HMGXB4: variants seen among roughly 807,000 people sequenced by gnomAD.
HMGXB4 encodes the protein HMG domain-containing protein 4.
A neutral mutation model predicts 63.9 loss-of-function variants in HMGXB4; 27 were observed. The ratio of observed to expected loss-of-function variants is 0.42; its 90% CI spans 0.31 to 0.58. The LOEUF (loss-of-function observed/expected upper bound fraction) is 0.58. Among genes scored for constraint, HMGXB4 ranks in the 20% least tolerant of loss-of-function variants. The pLI, the probability that HMGXB4 is intolerant of heterozygous loss-of-function variation, is 0.13. For missense variants in HMGXB4, 624 were observed against 700.7 expected (o/e 0.89, Z 1.24); for synonymous variants, 264 against 265.3 (o/e 0.99, Z 0.05).
rs1407099947 is a variant in HMGXB4 at position 35,294,725 on chromosome 22, T to A, written c.*1074T>A. The stretch of plus-strand genomic sequence containing the variant: ...ATCCTGTAAATTTCTGTATATATAA[T>A]TTAATAACAGAAGCCTCCACCAGCA... On this transcript the variant is annotated 3_prime_UTR_variant, in exon 11 of 11. Coordinates refer to ENST00000216106, the MANE Select transcript of HMGXB4 (RefSeq NM_001003681.3). 1 of 152,188 alleles carries A rather than the reference T, an allele frequency of 6.6e-6. No individual in the cohort carries two copies. Among genetic ancestry groups the A allele is most frequent in the South Asian group, 2.1e-4 (1 of 4,830 alleles). 9.4% of individuals were successfully genotyped at this position (152,188 alleles called of 1,614,324 possible).
chr22:35,263,994 T>TA (rs756263200), intron 4 of HMGXB4, 120 bp downstream of exon 4: 1 of 1,565,022 alleles, frequency 6.4e-7, no homozygotes, highest in South Asian at 1.2e-5. Context: ...CAGTGGTTCT[T>TA]GTTCTGAGTG....
Position 35,293,856 on chromosome 22 carries a change from G to T in HMGXB4, c.*205G>T, listed in dbSNP as rs556186533. The T allele has an allele frequency of 2.2e-4, 71 of 322,674 alleles. No individual in the cohort carries two copies. The South Asian group carries it at 8.2e-3, about 37-fold the overall frequency. The allele number at this position is 322,674 out of a possible 1,614,324, so 20.0% of individuals were successfully genotyped here. A position where few individuals can be genotyped will look rare whatever the true frequency, so the allele number is the denominator to read the frequency against. On this transcript the variant is annotated 3_prime_UTR_variant, in exon 11 of 11. Coordinates refer to ENST00000216106, the MANE Select transcript of HMGXB4 (RefSeq NM_001003681.3). ...TTAATAATTTTATGAAATGGCAAAG[G>T]TTTAGCCAAGAGGAAATTTTGGCAT... is the stretch of plus-strand genomic sequence containing the variant.
chr22:35,279,349 T>C (rs1924107624), intron 5 of HMGXB4, among the ~76,000 whole-genome samples: 1 of 151,922 alleles, frequency 6.6e-6, no homozygotes, highest in Non-Finnish European at 1.5e-5. Context: ...GGTTTCTCCA[T>C]GTTGGTCTCG....
intron 5 of HMGXB4, among the ~76,000 whole-genome samples, chr22:35,271,463 G>A (rs911929429): frequency 1.3e-5 from 2 of 152,160 alleles, no homozygotes; most frequent in African/African-American, 2.4e-5. Flanking sequence ...AATTGAGATC[G>A]GGAGATTCAA....
intron 5 of HMGXB4, among the ~76,000 whole-genome samples, chr22:35,268,715 G>A (rs918812751): frequency 9.9e-5 from 15 of 152,130 alleles, no homozygotes; most frequent in Non-Finnish European, 2.2e-4. Context: ...TGAAACCTTA[G>A]CCAAACATTC....
intron 7 of HMGXB4, 54 bp from the exon 8 acceptor site, chr22:35,287,293 C>T (rs577155365): frequency 1.4e-4 from 195 of 1,388,204 alleles, no homozygotes; most frequent in Non-Finnish European, 1.2e-4. Flanking sequence ...ACTGCTTTTC[C>T]TTTTACATTT....
chr22:35,288,576 A>G (rs1250991166), intron 9 of HMGXB4, among the ~76,000 whole-genome samples, 169 bp downstream of exon 9: 1 of 152,268 alleles, frequency 6.6e-6, no homozygotes, highest in Non-Finnish European at 1.5e-5. Flanking sequence ...TAACAGAAAT[A>G]TCTATAGAGA....
At chr22:35,289,969 A>G (rs1333307813) in intron 9 of HMGXB4, among the ~76,000 whole-genome samples, 3 of 152,262 alleles carry the variant, frequency 2.0e-5, no homozygotes, top group Admixed American at 1.3e-4. Context: ...AAATTGAATT[A>G]TTCAACAAAT....
intron 5 of HMGXB4, among the ~76,000 whole-genome samples, chr22:35,272,884 A>G (rs1328245134): frequency 6.6e-6 from 1 of 152,264 alleles, no homozygotes; most frequent in African/African-American, 2.4e-5. Flanking sequence ...CAGTGAGCCA[A>G]GATCACGCCA....
chr22:35,271,415 G>A (rs925013967), intron 5 of HMGXB4, among the ~76,000 whole-genome samples: 1 of 152,178 alleles, frequency 6.6e-6, no homozygotes, highest in Non-Finnish European at 1.5e-5. Flanking sequence ...AATAGAGAAG[G>A]TGAGAAGAAT....
chr22:35,287,296 T>C (rs750745567), intron 7 of HMGXB4, 51 bp from the exon 8 acceptor site: 15 of 1,407,430 alleles, frequency 1.1e-5, no homozygotes, highest in African/African-American at 1.4e-5. Flanking sequence ...GCTTTTCCTT[T>C]TACATTTTGT....
chr22:35,275,620 T>G (rs1194074526), intron 5 of HMGXB4, among the ~76,000 whole-genome samples: 1 of 152,186 alleles, frequency 6.6e-6, no homozygotes, highest in African/African-American at 2.4e-5. Context: ...GGCACACACC[T>G]GTAATCCCAG....
At chr22:35,244,387 C>T in the HMGXB4 span, among the ~76,000 whole-genome samples, 1 of 150,780 alleles carries the variant, frequency 6.6e-6, no homozygotes, top group African/African-American at 2.4e-5. Context: ...TCTGCCTCCT[C>T]GTAAAATAGA....
intron 5 of HMGXB4, among the ~76,000 whole-genome samples, chr22:35,279,772 C>G (rs1178704797): frequency 1.4e-5 from 2 of 140,692 alleles, no homozygotes; most frequent in African/African-American, 5.3e-5. Flanking sequence ...ATTGTCCTTG[C>G]TCCTTTGTCA....
chr22:35,258,332 G>C (rs1922593762), intron 1 of HMGXB4: 1 of 152,162 alleles, frequency 6.6e-6, no homozygotes, highest in South Asian at 2.1e-4. Context: ...AAACATCTCT[G>C]TCCCCTCTTT....
the HMGXB4 span, among the ~76,000 whole-genome samples, chr22:35,243,311 A>C: frequency 6.6e-6 from 1 of 151,528 alleles, no homozygotes; most frequent in African/African-American, 2.4e-5. Flanking sequence ...TGGAGGTTGC[A>C]GTGAGCCGAG....
chr22:35,270,088 C>G (rs1235712533), intron 5 of HMGXB4, among the ~76,000 whole-genome samples: 1 of 152,180 alleles, frequency 6.6e-6, no homozygotes, highest in African/African-American at 2.4e-5. Context: ...AGCAGGGGTC[C>G]CCAGTCCCCA....
upstream of HMGXB4, among the ~76,000 whole-genome samples, chr22:35,253,144 A>AAAAAAAAAAAAAAAAAAAAG (rs11282400): frequency 1.4e-3 from 178 of 125,292 alleles, 5 homozygotes; most frequent in African/African-American, 4.7e-3. Flanking sequence ...AAAAAAAAAA[A>AAAAAAAAAAAAAAAAAAAAG]AAAAAAGAAA....
chr22:35,291,919 A>T (rs1924954522), intron 9 of HMGXB4, among the ~76,000 whole-genome samples: 1 of 152,130 alleles, frequency 6.6e-6, no homozygotes, highest in Non-Finnish European at 1.5e-5. Flanking sequence ...GGAGATGTTG[A>T]CAAGGAGGAT....
Sources: allele counts gnomAD v4.1 joint callset (sites outside exome capture counted in the v4.1 genomes callset), GRCh38; gene constraint gnomAD v4.1.1; transcripts MANE v1.5; gene names NCBI Gene and HGNC (gene_info 2026-07-23, HGNC 2026-07-21).